The following MEIS1 variants were observed in gnomAD, a reference collection of about 807,000 sequenced individuals.
MEIS1 encodes homeobox protein Meis1.
In MEIS1, 5 loss-of-function variants were observed where a neutral mutation model predicts 50.8. That is an observed-to-expected ratio of 0.10 (90% CI 0.05 to 0.21). The LOEUF is 0.21. Among genes scored for constraint, MEIS1 ranks in the 10% least tolerant of loss-of-function variants. The pLI, the probability that MEIS1 is intolerant of heterozygous loss-of-function variation, is 1.00. For synonymous variants in MEIS1, 176 were observed against 179.3 expected, an observed-to-expected ratio of 0.98 and a Z score of 0.15; for missense variants, 318 against 517.3, an observed-to-expected ratio of 0.61 and a Z score of 3.74.
intron 8 of MEIS1, among the ~76,000 whole-genome samples, chr2:66,524,998 A>G (rs1674213274): frequency 6.6e-6 from 1 of 152,172 alleles, no homozygotes; most frequent in Non-Finnish European, 1.5e-5. Flanking sequence ...GCTTGAGCCC[A>G]GGAATTCAAG....
intron 8 of MEIS1, among the ~76,000 whole-genome samples, chr2:66,538,956 C>T (rs971256765): frequency 2.6e-5 from 4 of 152,200 alleles, no homozygotes; most frequent in South Asian, 2.1e-4. Context: ...GGCGCGATCT[C>T]GGCTCACTGC....
rs147633614 is a variant in MEIS1 at position 66,505,428 on chromosome 2, A to T, written c.743-6721A>T. Among the ~76,000 whole-genome samples the T allele has an allele frequency of 1.2e-4, 19 of 152,142 alleles. No individual in the cohort carries two copies. In the East Asian group the frequency reaches 3.7e-3, roughly 29 times the overall value. On this transcript the variant is annotated intron_variant, in intron 7 of 12. Transcript: ENST00000272369. ...CTCTTAAAAAAGGAAAAAAGAAAAGACTTAAGGGGCTGTATTATGTCTTCA... is the reference window on the plus strand; with the variant it reads ...CTCTTAAAAAAGGAAAAAAGAAAAGTCTTAAGGGGCTGTATTATGTCTTCA...
In MEIS1 at chr2:66,547,924, C is replaced by CT. The variant is rs1165608011; in HGVS notation, c.889-13dup. 6.2e-7 allele frequency: 1 copy of CT among 1,612,328 alleles called. No homozygotes were observed. Among genetic ancestry groups the CT allele is most frequent in the African/African-American group, 1.3e-5 (1 of 74,848 alleles). On this transcript the variant is annotated intron_variant, in intron 8 of 12. Coordinates refer to ENST00000272369, the MANE Select transcript of MEIS1 (RefSeq NM_002398.3). Reference sequence around the variant, plus strand: ...TAAATATTGCCTGATGCACACGTATCTTTTTTATTCTCTTTCAGCACCCTT... The same window carrying CT: ...TAAATATTGCCTGATGCACACGTATCTTTTTTTATTCTCTTTCAGCACCCTT...
At chr2:66,498,246 G>A (rs569196474) in intron 7 of MEIS1, among the ~76,000 whole-genome samples, 30 of 152,102 alleles carry the variant, frequency 2.0e-4, no homozygotes, top group South Asian at 6.2e-4. Context: ...AACGATGCGC[G>A]AAACATTTTT....
intron 8 of MEIS1, among the ~76,000 whole-genome samples, chr2:66,538,862 A>G (rs567844071): frequency 2.0e-4 from 31 of 152,222 alleles, no homozygotes; most frequent in African/African-American, 7.5e-4. Context: ...ATTTGATTCT[A>G]TGATCCTTAA....
At chr2:66,515,481 T>C (rs902561297) in intron 8 of MEIS1, among the ~76,000 whole-genome samples, 5 of 152,140 alleles carry the variant, frequency 3.3e-5, no homozygotes, top group Non-Finnish European at 5.9e-5. Context: ...TCTGTAGTTA[T>C]CCACAGGTAG....
At chr2:66,539,419 C>T (rs1674597153) in intron 8 of MEIS1, among the ~76,000 whole-genome samples, 1 of 152,130 alleles carries the variant, frequency 6.6e-6, no homozygotes, top group Non-Finnish European at 1.5e-5. Context: ...ATGATTAACT[C>T]ACCAGGAGTC....
intron 7 of MEIS1, among the ~76,000 whole-genome samples, chr2:66,488,474 C>T (rs1049144098): frequency 6.6e-6 from 1 of 152,048 alleles, no homozygotes; most frequent in African/African-American, 2.4e-5. Context: ...GTCAGGAGAT[C>T]AAGACCATCC....
chr2:66,517,102 A>G (rs1673989286), intron 8 of MEIS1, among the ~76,000 whole-genome samples: 1 of 152,084 alleles, frequency 6.6e-6, no homozygotes, highest in Admixed American at 6.6e-5. Flanking sequence ...TGAACAGTGA[A>G]TATTCCTTTT....
chr2:66,492,147 G>C (rs1464545061), intron 7 of MEIS1, among the ~76,000 whole-genome samples: 1 of 149,752 alleles, frequency 6.7e-6, no homozygotes, highest in Non-Finnish European at 1.5e-5. Flanking sequence ...GCTAGAGGGG[G>C]TTCCTCTATT....
chr2:66,566,597 A>G (rs979065555), intron 9 of MEIS1, among the ~76,000 whole-genome samples: 1 of 26,662 alleles, frequency 3.8e-5, no homozygotes, highest in African/African-American at 6.0e-5. Context: ...TGGAGAGCGT[A>G]TATTAATACT....
At chr2:66,465,999 C>A (rs182129476) in intron 7 of MEIS1, among the ~76,000 whole-genome samples, 1 of 152,158 alleles carries the variant, frequency 6.6e-6, no homozygotes, top group East Asian at 1.9e-4. Context: ...TATATTTTTT[C>A]TTTTTATGTT....
chr2:66,509,122 A>T (rs1188029851), intron 7 of MEIS1: 11 of 464,050 alleles, frequency 2.4e-5, no homozygotes, highest in Non-Finnish European at 4.5e-5. Flanking sequence ...GAAATGCTAA[A>T]GGTACAATTG....
At chr2:66,451,945 T>C (rs911655311) in intron 6 of MEIS1, among the ~76,000 whole-genome samples, 1 of 152,004 alleles carries the variant, frequency 6.6e-6, no homozygotes, top group Non-Finnish European at 1.5e-5. Context: ...AAAAGCTCTG[T>C]GTTTCATACA....
chr2:66,473,397 A>AAAAAAAATATATATATATAT, intron 7 of MEIS1, among the ~76,000 whole-genome samples: 17 of 107,552 alleles, frequency 1.6e-4, no homozygotes, highest in African/African-American at 9.3e-4. Context: ...AAAAAAAAAA[A>AAAAAAAATATATATATATAT]ATATATATAT....
At chr2:66,529,163 C>A (rs768558015) in intron 8 of MEIS1, among the ~76,000 whole-genome samples, 2 of 152,152 alleles carry the variant, frequency 1.3e-5, no homozygotes, top group African/African-American at 4.8e-5. Context: ...TCCACAGCAC[C>A]TTGATGAGAC....
At chr2:66,462,793 A>T (rs1166843529) in intron 6 of MEIS1, among the ~76,000 whole-genome samples, 1 of 152,238 alleles carries the variant, frequency 6.6e-6, no homozygotes. Flanking sequence ...GTTTTTGAGA[A>T]TATGCATAAT....
At chr2:66,520,322 A>T (rs565305572) in intron 8 of MEIS1, among the ~76,000 whole-genome samples, 18 of 151,830 alleles carry the variant, frequency 1.2e-4, no homozygotes, top group African/African-American at 4.1e-4. Flanking sequence ...AAAATAAAAA[A>T]AAAAAAAAAT....
intron 7 of MEIS1, among the ~76,000 whole-genome samples, chr2:66,508,141 A>G (rs1184106336): frequency 6.6e-6 from 1 of 152,240 alleles, no homozygotes; most frequent in Non-Finnish European, 1.5e-5. Context: ...AGTGTGGCCA[A>G]GATTCTCCCC....
Sources: allele counts gnomAD v4.1 joint callset (sites outside exome capture counted in the v4.1 genomes callset), GRCh38; gene constraint gnomAD v4.1.1; transcripts MANE v1.5; gene names NCBI Gene and HGNC (gene_info 2026-07-23, HGNC 2026-07-21).